The following GRIK1 variants were observed in gnomAD, a reference collection of about 807,000 sequenced individuals.
GRIK1 encodes the protein glutamate ionotropic receptor kainate type subunit 1.
A neutral mutation model predicts 105.7 loss-of-function variants in GRIK1; 69 were observed. That is an observed-to-expected ratio of 0.65 (90% CI 0.54 to 0.80). The LOEUF is 0.80. Ranked by LOEUF, GRIK1 falls within the 30% of genes least tolerant of loss-of-function variation. GRIK1 has a pLI of 0.00. For missense variants in GRIK1, 1,109 were observed against 1,167.3 expected (o/e 0.95, Z 0.73); for synonymous variants, 438 against 431.3 (o/e 1.02, Z -0.19).
intron 1 of GRIK1, among the ~76,000 whole-genome samples, chr21:29,719,440 C>T (rs1204011983): frequency 6.6e-6 from 1 of 152,062 alleles, no homozygotes; most frequent in Non-Finnish European, 1.5e-5. Flanking sequence ...CAGAGCAGAG[C>T]TTGTTCCTTT....
chr21:29,693,520 G>A (rs1420349744), intron 2 of GRIK1, among the ~76,000 whole-genome samples: 1 of 152,146 alleles, frequency 6.6e-6, no homozygotes, highest in Non-Finnish European at 1.5e-5. Flanking sequence ...TGTGTCCTGG[G>A]CATTTCCACA....
chr21:29,929,667 C>G (rs966081967), intron 1 of GRIK1, among the ~76,000 whole-genome samples: 10 of 152,126 alleles, frequency 6.6e-5, no homozygotes, highest in Admixed American at 5.2e-4. Flanking sequence ...AGAAAATTAA[C>G]AAATGCTGGC....
intron 1 of GRIK1, among the ~76,000 whole-genome samples, chr21:29,785,709 G>A (rs2066242250): frequency 6.6e-6 from 1 of 152,118 alleles, no homozygotes; most frequent in Admixed American, 6.5e-5. Context: ...AGATTCCCGT[G>A]GCTGCTGTAG....
chr21:29,715,987 A>G (rs1158786852), intron 1 of GRIK1, among the ~76,000 whole-genome samples: 24 of 152,092 alleles, frequency 1.6e-4, no homozygotes. Flanking sequence ...GGTGGGAGAT[A>G]ATTGAATCAT....
intron 1 of GRIK1, among the ~76,000 whole-genome samples, chr21:29,804,513 G>C (rs1259157525): frequency 6.6e-6 from 1 of 152,238 alleles, no homozygotes; most frequent in African/African-American, 2.4e-5. Flanking sequence ...TGAATACAAT[G>C]AATATAGAAG....
chr21:29,781,950 G>C (rs546846791), intron 1 of GRIK1, among the ~76,000 whole-genome samples: 75 of 150,926 alleles, frequency 5.0e-4, no homozygotes, highest in Non-Finnish European at 9.2e-4. Flanking sequence ...GATTACAGGC[G>C]TGAGCCACCG....
intron 1 of GRIK1, among the ~76,000 whole-genome samples, chr21:29,700,024 T>C (rs980109361): frequency 1.1e-4 from 17 of 152,344 alleles, no homozygotes; most frequent in Admixed American, 8.5e-4. Flanking sequence ...ATTCAAGTAA[T>C]ATTCTCTTCT....
At chr21:29,737,298 G>T (rs2064818669) in intron 1 of GRIK1, among the ~76,000 whole-genome samples, 1 of 152,132 alleles carries the variant, frequency 6.6e-6, no homozygotes, top group Admixed American at 6.5e-5. Flanking sequence ...CCAGAGGATG[G>T]GGGAAGTTGT....
At chr21:29,847,736 GC>G (rs2068167065) in intron 1 of GRIK1, among the ~76,000 whole-genome samples, 1 of 152,118 alleles carries the variant, frequency 6.6e-6, no homozygotes, top group South Asian at 2.1e-4. Context: ...AATTATCATT[GC>G]ATTCTCTGTA....
intron 1 of GRIK1, among the ~76,000 whole-genome samples, chr21:29,783,731 T>TA (rs1238529438): frequency 6.6e-6 from 1 of 152,188 alleles, no homozygotes; most frequent in Non-Finnish European, 1.5e-5. Flanking sequence ...TTAGGTCCAT[T>TA]AAAAAATTCT....
Position 29,631,072 on chromosome 21 carries a change from C to T in GRIK1, c.1098+11754G>A, listed in dbSNP as rs151246726. On this transcript the variant is annotated intron_variant, in intron 7 of 17. Transcript: ENST00000327783. The stretch of plus-strand genomic sequence containing the variant: ...ATCTGACCACCTCAGTCTCCCAAAG[C>T]GCTGGGATTACAGGCCTGAGCTACT... Among the ~76,000 whole-genome samples the T allele has an allele frequency of 5.6e-3, 857 of 152,108 alleles. 9 individuals carry two copies. Among genetic ancestry groups the T allele is most frequent in the African/African-American group, 0.019 (797 of 41,492 alleles).
At chr21:29,684,301 C>G (rs1433333660) in intron 3 of GRIK1, among the ~76,000 whole-genome samples, 1 of 150,040 alleles carries the variant, frequency 6.7e-6, no homozygotes, top group Non-Finnish European at 1.5e-5. Flanking sequence ...TATCTATCAT[C>G]TATCTACCGT....
chr21:29,664,000 G>C (rs2063014373), intron 4 of GRIK1, among the ~76,000 whole-genome samples: 1 of 152,174 alleles, frequency 6.6e-6, no homozygotes, highest in South Asian at 2.1e-4. Context: ...AATCTCCACT[G>C]TTTGCTAACT....
At chr21:29,662,689 T>G (rs1036789589) in intron 4 of GRIK1, among the ~76,000 whole-genome samples, 2 of 152,216 alleles carry the variant, frequency 1.3e-5, no homozygotes, top group Non-Finnish European at 2.9e-5. Flanking sequence ...TATTGCCCAG[T>G]AAAGTCTTCA....
intron 1 of GRIK1, among the ~76,000 whole-genome samples, chr21:29,771,583 A>G (rs2065813958): frequency 6.6e-6 from 1 of 152,154 alleles, no homozygotes; most frequent in African/African-American, 2.4e-5. Context: ...AACAAATACT[A>G]GTAATGGTTG....
chr21:29,795,642 C>T (rs904995875), intron 1 of GRIK1, among the ~76,000 whole-genome samples: 2 of 152,214 alleles, frequency 1.3e-5, no homozygotes, highest in Non-Finnish European at 2.9e-5. Context: ...TTTCAACAGT[C>T]TTCAAGACCA....
In GRIK1 at chr21:29,575,948, G is replaced by A. The variant is rs545655802; in HGVS notation, c.2130+1016C>T. ...ACTCCATTTTTGGTAATCTGAATAT[G>A]AATCTTTGACAAGGGTGTTTTTAGA... On this transcript the variant is annotated intron_variant, in intron 14 of 17. Coordinates refer to ENST00000327783, the MANE Select transcript of GRIK1 (RefSeq NM_001330994.2). Among the ~76,000 whole-genome samples the A allele has an allele frequency of 2.6e-5, 4 of 152,240 alleles. No homozygotes were observed. The South Asian group carries it at 8.3e-4, about 32-fold the overall frequency.
intron 1 of GRIK1, among the ~76,000 whole-genome samples, chr21:29,707,947 A>G (rs1212496815): frequency 6.6e-6 from 1 of 152,174 alleles, no homozygotes; most frequent in Non-Finnish European, 1.5e-5. Context: ...ACTGTTATAC[A>G]TTCTATTATG....
chr21:29,744,351 A>G (rs1226016876), intron 1 of GRIK1, among the ~76,000 whole-genome samples: 4 of 152,130 alleles, frequency 2.6e-5, no homozygotes, highest in Non-Finnish European at 4.4e-5. Context: ...AGATTTCTGT[A>G]TTTATTAAAG....
Sources: gnomAD v4.1 joint callset for allele counts (sites outside exome capture counted in the v4.1 genomes callset) on GRCh38, gnomAD v4.1.1 for gene constraint, MANE v1.5 for transcripts, NCBI Gene and HGNC (gene_info 2026-07-23, HGNC 2026-07-21) for gene names.